SERPINF2: variants seen among roughly 807,000 people sequenced by gnomAD.
SERPINF2 encodes the protein alpha-2-antiplasmin.
In SERPINF2, 15 loss-of-function variants were observed where a neutral mutation model predicts 45.0. The ratio of observed to expected loss-of-function variants is 0.33; its 90% CI spans 0.22 to 0.51. SERPINF2 has a LOEUF of 0.51. Ranked by LOEUF, SERPINF2 falls within the 20% of genes least tolerant of loss-of-function variation. The pLI is 0.97. For missense variants in SERPINF2, 518 were observed against 637.4 expected, an observed-to-expected ratio of 0.81 and a Z score of 2.02; for synonymous variants, 283 against 277.9, an observed-to-expected ratio of 1.02 and a Z score of -0.18.
intron 1 of SERPINF2, among the ~76,000 whole-genome samples, chr17:1,743,525 G>C (rs1905488440): frequency 6.6e-6 from 1 of 151,760 alleles, no homozygotes; most frequent in Non-Finnish European, 1.5e-5. Context: ...AGACCAGCCT[G>C]ACCAACATGG....
rs1905735164 is a variant in SERPINF2, at chr17:1,745,505, G to A, written c.165+110G>A. 2.2e-6 allele frequency: 3 copies of A among 1,361,790 alleles called. No individual in the cohort carries two copies. Among genetic ancestry groups the A allele is most frequent in the Non-Finnish European group, 3.1e-6 (3 of 976,390 alleles). 84.4% of individuals were successfully genotyped at this position (1,361,790 alleles called of 1,614,324 possible). On this transcript the variant is annotated intron_variant, in intron 4 of 9. Transcript: ENST00000453066. This position sits in a 1 kb window ranked among gnomAD's most constrained non-coding sequence, Gnocchi z 6.2. ...GCTGAGGCTGAGGCTCTGGAGTCCAGAGGCCAGAAGGGAGAGAGGGTGGGG... is the reference window on the plus strand; with the variant it reads ...GCTGAGGCTGAGGCTCTGGAGTCCAAAGGCCAGAAGGGAGAGAGGGTGGGG...
chr17:1,753,799 C>T (rs1397435485), intron 9 of SERPINF2, among the ~76,000 whole-genome samples: 1 of 152,220 alleles, frequency 6.6e-6, no homozygotes, highest in Non-Finnish European at 1.5e-5. Context: ...CCACCATGTA[C>T]AAACAGCTGA....
chr17:1,748,587 C>T lies in SERPINF2; in HGVS notation c.716-11C>T, dbSNP rs1424183778. The T allele has an allele frequency of 8.1e-6, 13 of 1,612,912 alleles. No homozygotes were observed. The African/African-American group carries it at 1.2e-4, about 15-fold the overall frequency. The stretch of plus-strand genomic sequence containing the variant: ...CCGTCGACGTGACCCCTGCCCTCTG[C>T]TGGGTTTCAGGTTTCTGGAGGAACA... On this transcript the variant is annotated splice_polypyrimidine_tract_variant and intron_variant, in intron 7 of 9. Transcript: ENST00000453066.
In SERPINF2 at chr17:1,743,631, C is replaced by T. The variant is rs564131401; in HGVS notation, c.-5+723C>T. 3.6e-4 allele frequency among the ~76,000 whole-genome samples: 52 copies of T among 145,864 alleles called. No homozygotes were observed. In the South Asian group the frequency reaches 5.4e-3, roughly 15 times the overall value. On this transcript the variant is annotated intron_variant, in intron 1 of 9. Coordinates refer to ENST00000453066, the MANE Select transcript of SERPINF2 (RefSeq NM_000934.4). ...TCGGGAGGCTGAGGCAGGAGAATCG[C>T]TTTAACCCAGGAGGTGGAGGTTGCA...
chr17:1,754,072 GC>G (rs762942010), intron 9 of SERPINF2, 49 bp from the exon 10 acceptor site: 10 of 1,596,486 alleles, frequency 6.3e-6, no homozygotes, highest in South Asian at 1.1e-5. Context: ...AGCTCCAGGA[GC>G]CTGTGAGGCC....
At chr17:1,743,465 C>T (rs1905479636) in intron 1 of SERPINF2, among the ~76,000 whole-genome samples, 1 of 151,870 alleles carries the variant, frequency 6.6e-6, no homozygotes. Context: ...CCTGTCATCC[C>T]AGCACTTTGG....
rs1905663832 is a variant in SERPINF2, at chr17:1,745,005, C to T, written c.10C>T (p.Leu4Phe). The change falls in exon 2 of 10, where the codon CTC becomes TTC. Residue 4 changes from leucine (L) to phenylalanine (F), a missense_variant. This residue lies in a region of SERPINF2 where 435 missense variants were observed against 577.3 expected (regional missense o/e 0.75). Coordinates refer to ENST00000453066, the MANE Select transcript of SERPINF2 (RefSeq NM_000934.4). The surrounding 1 kb of genome is among the most constrained non-coding windows in gnomAD (Gnocchi z 6.2). ...TCCCTGCCACAGGAACATGGCGCTG[C>T]TCTGGGGGCTCCTGGTGCTCAGCTG... The part of the protein sequence containing the change: MAL[L>F]WGLLVLSWSC... 1 of 1,613,816 alleles carries T rather than the reference C, an allele frequency of 6.2e-7. No homozygotes were observed. The highest frequency in any genetic ancestry group is 8.5e-7 in the Non-Finnish European group (1 of 1,180,006).
chr17:1,744,882 C>T, intron 1 of SERPINF2, 110 bp from the exon 2 acceptor site: 1 of 1,583,358 alleles, frequency 6.3e-7, no homozygotes, highest in Admixed American at 1.8e-5. Context: ...TGCTTCTTCC[C>T]CTTGGCAATC....
In SERPINF2 at chr17:1,745,311, A is replaced by T. The variant is rs944433307; in HGVS notation, c.103-22A>T. On this transcript the variant is annotated intron_variant, in intron 3 of 9. Transcript: ENST00000453066. This position sits in a 1 kb window ranked among gnomAD's most constrained non-coding sequence, Gnocchi z 6.2. The stretch of plus-strand genomic sequence containing the variant: ...GGGCCTGTGGGAAGGGTCGGTCTCC[A>T]TCTGCTTGCTCCTTTCCGCAGCTAA... 1 of 1,612,924 alleles carries T rather than the reference A, an allele frequency of 6.2e-7. No homozygotes were observed. Among genetic ancestry groups the T allele is most frequent in the Non-Finnish European group, 8.5e-7 (1 of 1,179,920 alleles).
rs755865141 is a variant in SERPINF2 at position 1,754,387 on chromosome 17, G to A, written c.1329G>A (p.Glu443=). ...VRNPNPSAPR[E]LKEQQDSPGN... ...ACCCCAACCCCAGTGCACCGCGGGAGCTCAAGGAACAGCAGGATTCCCCGG... is the reference window on the plus strand; with the variant it reads ...ACCCCAACCCCAGTGCACCGCGGGAACTCAAGGAACAGCAGGATTCCCCGG... Residue 443 remains glutamate (E), a synonymous_variant, in exon 10 of 10, where the codon GAG becomes GAA. Transcript: ENST00000453066. 2 of 1,614,128 alleles carry A rather than the reference G, an allele frequency of 1.2e-6. No individual in the cohort carries two copies. Among genetic ancestry groups the A allele is most frequent in the Non-Finnish European group, 1.7e-6 (2 of 1,179,992 alleles).
rs189673650 is a variant in SERPINF2, at chr17:1,754,694, G to T, written c.*160G>T. 2 of 412,572 alleles carry T rather than the reference G, an allele frequency of 4.8e-6. No individual in the cohort carries two copies. The highest frequency in any genetic ancestry group is 8.2e-6 in the Non-Finnish European group (2 of 243,042). 25.6% of individuals were successfully genotyped at this position (412,572 alleles called of 1,614,324 possible). On this transcript the variant is annotated 3_prime_UTR_variant, in exon 10 of 10. Transcript: ENST00000453066. Reference sequence around the variant, plus strand: ...CTTGGGGAGTTTAGGGTGGGGGGGGGGCGCGGCTGGGAGGAGGGCAGGCAT... The same window carrying T: ...CTTGGGGAGTTTAGGGTGGGGGGGGTGCGCGGCTGGGAGGAGGGCAGGCAT...
intron 8 of SERPINF2, among the ~76,000 whole-genome samples, chr17:1,749,063 T>C (rs1349728420): frequency 6.6e-6 from 1 of 152,170 alleles, no homozygotes; most frequent in Non-Finnish European, 1.5e-5. Context: ...GGATACACAG[T>C]GCAACAGTGA....
intron 8 of SERPINF2, 147 bp downstream of exon 8, chr17:1,748,887 C>A: frequency 1.4e-6 from 1 of 716,846 alleles, no homozygotes. Flanking sequence ...GCAAAAGGTC[C>A]CATGATCCCC....
rs767903281 is a variant in SERPINF2, at chr17:1,745,448, C to A, written c.165+53C>A. 1.2e-5 allele frequency: 18 copies of A among 1,559,008 alleles called. 1 individual carries two copies. The East Asian group carries it at 4.1e-4, about 35-fold the overall frequency. Reference sequence around the variant, plus strand: ...TGGGCGGGGCTAGAGGGAGGAGGGCCCATCGGCAGGGGTCGGGGGGTGGGG... The same window carrying A: ...TGGGCGGGGCTAGAGGGAGGAGGGCACATCGGCAGGGGTCGGGGGGTGGGG... On this transcript the variant is annotated intron_variant, in intron 4 of 9. Coordinates refer to ENST00000453066, the MANE Select transcript of SERPINF2 (RefSeq NM_000934.4). The surrounding 1 kb of genome is among the most constrained non-coding windows in gnomAD (Gnocchi z 6.2).
At chr17:1,743,830 G>A (rs991873271) in intron 1 of SERPINF2, among the ~76,000 whole-genome samples, 7 of 152,090 alleles carry the variant, frequency 4.6e-5, no homozygotes, top group African/African-American at 1.4e-4. Context: ...AGAAGAGGTG[G>A]CCTTGAGCCA....
In SERPINF2 at chr17:1,754,722, G is replaced by A. The variant is rs1407818914; in HGVS notation, c.*188G>A. 1.1e-5 allele frequency: 7 copies of A among 659,898 alleles called. No individual in the cohort carries two copies. The East Asian group carries it at 1.4e-4, about 13-fold the overall frequency. The allele number at this position is 659,898 out of a possible 1,614,324, so 40.9% of individuals were successfully genotyped here. ...GCGGCTGGGAGGAGGGCAGGCATCGGGGAGCCGGGAGCCTGACCCTCATCT... is the reference window on the plus strand; with the variant it reads ...GCGGCTGGGAGGAGGGCAGGCATCGAGGAGCCGGGAGCCTGACCCTCATCT... On this transcript the variant is annotated 3_prime_UTR_variant, in exon 10 of 10. Coordinates refer to ENST00000453066, the MANE Select transcript of SERPINF2 (RefSeq NM_000934.4).
In SERPINF2 at chr17:1,754,521, G is replaced by C; in HGVS notation, c.1463G>C (p.Gly488Ala). 3 of 1,609,482 alleles carry C rather than the reference G, an allele frequency of 1.9e-6. No homozygotes were observed. Among genetic ancestry groups the C allele is most frequent in the Non-Finnish European group, 1.7e-6 (2 of 1,179,308 alleles). The change falls in exon 10 of 10, where the codon GGC becomes GCC. Residue 488 changes from glycine to alanine, a missense_variant. This residue lies in a region of SERPINF2 where 83 missense variants were observed against 60.0 expected (regional missense o/e 1.38). Coordinates refer to ENST00000453066, the MANE Select transcript of SERPINF2 (RefSeq NM_000934.4). ...PPMEEDYPQF[G>A]SPK ...ATGGAGGAGGATTACCCCCAGTTTG[G>C]CAGCCCCAAGTGAGGGGCCGTGGCT...
In SERPINF2 at chr17:1,752,687, C is replaced by T. The variant is rs570297153; in HGVS notation, c.960C>T (p.Asp320=). 10 of 1,614,148 alleles carry T rather than the reference C, an allele frequency of 6.2e-6. No individual in the cohort carries two copies. Among genetic ancestry groups the T allele is most frequent in the East Asian group, 4.5e-5 (2 of 44,886 alleles). Residue 320 remains aspartate (D), a synonymous_variant, in exon 9 of 10, where the codon GAC becomes GAT. Coordinates refer to ENST00000453066, the MANE Select transcript of SERPINF2 (RefSeq NM_000934.4). ...AGGTACTGGCCAACCTGAGTTGGGA[C>T]ACCCTGCACCCACCTCTGGTGTGGG... is the stretch of plus-strand genomic sequence containing the variant. ...VSQVLANLSW[D]TLHPPLVWER...
intron 7 of SERPINF2, among the ~76,000 whole-genome samples, chr17:1,748,283 G>A (rs955305237): frequency 3.4e-5 from 5 of 145,950 alleles, no homozygotes; most frequent in Non-Finnish European, 7.5e-5. Flanking sequence ...CAGCCTGGGC[G>A]ACAGAGCGAG....
Sources: allele counts gnomAD v4.1 joint callset (sites outside exome capture counted in the v4.1 genomes callset), GRCh38; gene constraint gnomAD v4.1.1; regional missense constraint gnomAD v4.1.1; non-coding constraint Gnocchi (gnomAD v3.1); transcripts MANE v1.5; gene names NCBI Gene and HGNC (gene_info 2026-07-23, HGNC 2026-07-21).